Variants in ACAD10 observed in about 807,000 individuals in gnomAD.
ACAD10 encodes the protein acyl-CoA dehydrogenase family member 10.
Under a neutral mutation model 116.8 loss-of-function variants are expected in ACAD10, and 112 were observed. The observed-to-expected ratio is 0.96, with a 90% CI of 0.82 to 1.12. The LOEUF is 1.12. Among genes scored for constraint, ACAD10 ranks in the 50% most tolerant of loss-of-function variants. The probability of loss-of-function intolerance (pLI) is 0.00; values close to 1 mark genes in which losing one functional copy is unlikely to be tolerated. For missense variants in ACAD10, 1,259 were observed against 1,350.2 expected, an observed-to-expected ratio of 0.93 and a Z score of 1.06; for synonymous variants, 486 against 510.6, an observed-to-expected ratio of 0.95 and a Z score of 0.65.
At chr12:111,691,782 G>T (rs1888051490) in intron 1 of ACAD10, among the ~76,000 whole-genome samples, 1 of 152,018 alleles carries the variant, frequency 6.6e-6, no homozygotes, top group African/African-American at 2.4e-5. Context: ...TTTGAGTAGA[G>T]ATGGGGTTTC....
intron 8 of ACAD10, among the ~76,000 whole-genome samples, chr12:111,724,429 A>C (rs867717079): frequency 1.3e-5 from 2 of 152,292 alleles, no homozygotes; most frequent in East Asian, 1.9e-4. Context: ...CTGCAATCTC[A>C]GCACTTTGGG....
chr12:111,738,728 G>A (rs1314912145), intron 12 of ACAD10, among the ~76,000 whole-genome samples: 2 of 151,696 alleles, frequency 1.3e-5, no homozygotes, highest in African/African-American at 2.4e-5. Flanking sequence ...TTAGCCAGGT[G>A]TGATGGCGGG....
chr12:111,703,907 A>ATG, intron 3 of ACAD10, among the ~76,000 whole-genome samples: 1 of 141,964 alleles, frequency 7.0e-6, no homozygotes, highest in South Asian at 2.1e-4. Flanking sequence ...TCCACAATTT[A>ATG]TATATATATA....
chr12:111,720,940 T>C (rs1185902998), intron 7 of ACAD10, among the ~76,000 whole-genome samples: 1 of 151,902 alleles, frequency 6.6e-6, no homozygotes, highest in Non-Finnish European at 1.5e-5. Context: ...CGCGCCACCA[T>C]GCCTGGCTAA....
chr12:111,745,835 CTT>C (rs532150491), intron 13 of ACAD10, among the ~76,000 whole-genome samples: 1,205 of 104,662 alleles, frequency 0.012, 11 homozygotes, highest in African/African-American at 0.042. Flanking sequence ...CCATCTCTCT[CTT>C]TTTTTTTTTT....
In ACAD10 at chr12:111,748,492, C is replaced by T. The variant is rs751174142; in HGVS notation, c.2644+17C>T. The T allele has an allele frequency of 8.6e-5, 138 of 1,611,942 alleles. No homozygotes were observed. Among genetic ancestry groups the T allele is most frequent in the East Asian group, 3.1e-4 (14 of 44,900 alleles). On this transcript the variant is annotated intron_variant, in intron 17 of 20. Coordinates refer to ENST00000313698, the MANE Select transcript of ACAD10 (RefSeq NM_025247.6). The stretch of plus-strand genomic sequence containing the variant: ...ATGCACCAGGTGAGACCTCCAGGGG[C>T]GGGTCACCCCTGGGTGTGGGTCTGG...
rs780079401 is a variant in ACAD10 at position 111,753,819 on chromosome 12, A to T, written c.2865A>T (p.Thr955=). The change falls in exon 19 of 21, where the codon ACA becomes ACT. Residue 955 remains threonine (T), a synonymous_variant. Transcript: ENST00000313698. Reference sequence around the variant, plus strand: ...GGAAGCCCCTGGTGGAGCAGGGCACAGTGCTGGCGGACATCGCGCAGTCGC... The same window carrying T: ...GGAAGCCCCTGGTGGAGCAGGGCACTGTGCTGGCGGACATCGCGCAGTCGC... The part of the protein sequence containing the change: ...AFGKPLVEQG[T]VLADIAQSRV... 2 of 1,614,022 alleles carry T rather than the reference A, an allele frequency of 1.2e-6. No homozygotes were observed. The highest frequency in any genetic ancestry group is 3.3e-5 in the Admixed American group (2 of 60,028).
chr12:111,689,785 G>A (rs916767723), intron 1 of ACAD10, among the ~76,000 whole-genome samples: 2 of 150,498 alleles, frequency 1.3e-5, no homozygotes, highest in African/African-American at 4.9e-5. Context: ...GCACCATCTC[G>A]GCTCACTGCA....
chr12:111,744,513 C>T, intron 12 of ACAD10, 130 bp from the exon 13 acceptor site: 1 of 1,142,642 alleles, frequency 8.8e-7, no homozygotes, highest in East Asian at 2.4e-5. Flanking sequence ...TGGCTCTTAG[C>T]ACAGTGTTTG....
rs1396202847 is a variant in ACAD10 at position 111,729,965 on chromosome 12, G to C, written c.1394+9G>C. On this transcript the variant is annotated intron_variant, in intron 10 of 20. Coordinates refer to ENST00000313698, the MANE Select transcript of ACAD10 (RefSeq NM_025247.6). The stretch of plus-strand genomic sequence containing the variant: ...GTGCACGGGGACTTCAGGTAGATGT[G>C]GTGGCAGGGAGAGCTGAAAAATGAC... 1 of 1,612,220 alleles carries C rather than the reference G, an allele frequency of 6.2e-7. No homozygotes were observed. The highest frequency in any genetic ancestry group is 2.2e-5 in the East Asian group (1 of 44,812).
intron 8 of ACAD10, among the ~76,000 whole-genome samples, chr12:111,724,612 G>A (rs1171930445): frequency 6.6e-6 from 1 of 152,212 alleles, no homozygotes; most frequent in East Asian, 1.9e-4. Flanking sequence ...AGACCGGCCT[G>A]GCCAACACAG....
At chr12:111,713,460 A>T (rs1295276241) in intron 6 of ACAD10, among the ~76,000 whole-genome samples, 1 of 151,962 alleles carries the variant, frequency 6.6e-6, no homozygotes, top group Non-Finnish European at 1.5e-5. Flanking sequence ...CCTTGACTCT[A>T]CTAAAAATAC....
chr12:111,755,916 G>T (rs1233987021), intron 20 of ACAD10, 171 bp downstream of exon 20: 43 of 758,252 alleles, frequency 5.7e-5, no homozygotes, highest in Non-Finnish European at 6.9e-5. Flanking sequence ...AAGGTGGGAG[G>T]TGCCATCGTA....
intron 19 of ACAD10, among the ~76,000 whole-genome samples, chr12:111,755,188 C>T (rs986049071): frequency 3.9e-5 from 6 of 152,140 alleles, no homozygotes; most frequent in South Asian, 2.1e-4. Context: ...CTGCAACCTC[C>T]GCCTCCCGGG....
intron 9 of ACAD10, 77 bp downstream of exon 9, chr12:111,728,220 G>A: frequency 6.8e-7 from 1 of 1,473,504 alleles, no homozygotes; most frequent in Non-Finnish European, 9.1e-7. Context: ...AATCGTTTTG[G>A]GTCGTTTTGA....
At chr12:111,731,370 A>T (rs1397654104) in intron 10 of ACAD10, among the ~76,000 whole-genome samples, 1 of 152,120 alleles carries the variant, frequency 6.6e-6, no homozygotes, top group African/African-American at 2.4e-5. Context: ...TTCTTTCTCC[A>T]CTTGGGATTC....
Position 111,753,759 on chromosome 12 carries a change from C to G in ACAD10, c.2818-13C>G. On this transcript the variant is annotated splice_polypyrimidine_tract_variant and intron_variant, in intron 18 of 20. Coordinates refer to ENST00000313698, the MANE Select transcript of ACAD10 (RefSeq NM_025247.6). ...CCAGCATGTCCTCAGCCGCACATCTCCTGTGTCGACAGGTGAAGTCCCGCT... is the reference window on the plus strand; with the variant it reads ...CCAGCATGTCCTCAGCCGCACATCTGCTGTGTCGACAGGTGAAGTCCCGCT... 1 of 1,613,848 alleles carries G rather than the reference C, an allele frequency of 6.2e-7. No homozygotes were observed. Among genetic ancestry groups the G allele is most frequent in the Non-Finnish European group, 8.5e-7 (1 of 1,180,000 alleles).
At chr12:111,689,267 T>C (rs907077236) in intron 1 of ACAD10, among the ~76,000 whole-genome samples, 2 of 151,994 alleles carry the variant, frequency 1.3e-5, no homozygotes, top group Non-Finnish European at 2.9e-5. Context: ...TGCATATATA[T>C]GTATGTATAC....
chr12:111,753,508 T>C, intron 18 of ACAD10: 1 of 677,344 alleles, frequency 1.5e-6, no homozygotes, highest in Middle Eastern at 2.4e-4. Flanking sequence ...AATAAAGGGT[T>C]CTTGGAAGCA....
Sources: gnomAD v4.1 joint callset for allele counts (sites outside exome capture counted in the v4.1 genomes callset) on GRCh38, gnomAD v4.1.1 for gene constraint, MANE v1.5 for transcripts, NCBI Gene and HGNC (gene_info 2026-07-23, HGNC 2026-07-21) for gene names.